The following WIPF3 variants were observed in gnomAD, a reference collection of about 807,000 sequenced individuals.
The protein encoded by WIPF3 is WAS/WASL interacting protein family member 3.
Under a neutral mutation model 38.9 loss-of-function variants are expected in WIPF3, and 33 were observed. The observed-to-expected ratio is 0.85, with a 90% CI of 0.64 to 1.14. The LOEUF is 1.14. Among genes scored for constraint, WIPF3 ranks in the 50% most tolerant of loss-of-function variants. The pLI is 0.00. For missense variants in WIPF3, 711 were observed against 652.5 expected (o/e 1.09, Z -0.98); for synonymous variants, 324 against 269.3 (o/e 1.20, Z -1.99).
In WIPF3 at chr7:29,915,077, A is replaced by ATTTT. The variant is rs149325811; in HGVS notation, c.*587_*590dup. 4 of 59,362 alleles carry ATTTT rather than the reference A, an allele frequency of 6.7e-5. No homozygotes were observed. The highest frequency in any genetic ancestry group is 1.4e-4 in the African/African-American group (2 of 14,064). 3.7% of individuals were successfully genotyped at this position (59,362 alleles called of 1,614,324 possible). ...TCGCTTCCATTTTGCAGTACAGGGA[A>ATTTT]TTTTTTTTTTTTTTTTTTTTTTTTT... On this transcript the variant is annotated 3_prime_UTR_variant, in exon 9 of 9. Coordinates refer to ENST00000242140, the MANE Select transcript of WIPF3 (RefSeq NM_001080529.3).
At position 29,878,048 on chromosome 7, in the gene WIPF3, G is replaced by A. The variant is rs112406460; in HGVS notation, c.224-961G>A. Among the ~76,000 whole-genome samples, 749 of 152,186 alleles carry A rather than the reference G, an allele frequency of 4.9e-3. 6 individuals carry two copies. Among genetic ancestry groups the A allele is most frequent in the Admixed American group, 7.9e-3 (121 of 15,286 alleles). On this transcript the variant is annotated intron_variant, in intron 3 of 8. Coordinates refer to ENST00000242140, the MANE Select transcript of WIPF3 (RefSeq NM_001080529.3). This position sits in a 1 kb window ranked among gnomAD's most constrained non-coding sequence, Gnocchi z 4.0. The stretch of plus-strand genomic sequence containing the variant: ...GTAATTATAAATGTCAACACACAAG[G>A]ATAGACAAATTTTTAAAGAAATATT...
In WIPF3 at chr7:29,914,992, T is replaced by C. The variant is rs776811753; in HGVS notation, c.*476T>C. The C allele has an allele frequency of 2.6e-5, 4 of 151,446 alleles. No homozygotes were observed. The highest frequency in any genetic ancestry group is 1.5e-5 in the Non-Finnish European group (1 of 68,122). 9.4% of individuals were successfully genotyped at this position (151,446 alleles called of 1,614,324 possible). ...TATCAATGATGCAGCTCAGAGGAAG[T>C]AGCGTGTCCCCCACACCCAGACAGT... On this transcript the variant is annotated 3_prime_UTR_variant, in exon 9 of 9. Coordinates refer to ENST00000242140, the MANE Select transcript of WIPF3 (RefSeq NM_001080529.3).
chr7:29,882,117 A>C (rs1466244999), intron 4 of WIPF3, among the ~76,000 whole-genome samples: 1 of 152,154 alleles, frequency 6.6e-6, no homozygotes, highest in Non-Finnish European at 1.5e-5. Flanking sequence ...CACATTTCTC[A>C]TTTGGTTGGT....
chr7:29,824,447 G>C (rs1784584433), intron 1 of WIPF3, among the ~76,000 whole-genome samples: 1 of 152,112 alleles, frequency 6.6e-6, no homozygotes, highest in Admixed American at 6.5e-5. Context: ...ATGCAGAGAA[G>C]CTGGCACCTG....
chr7:29,891,244 CCTGCCCTGTGCTCAGGTGGAGGGGGCGA>C (rs1786014805), intron 7 of WIPF3, among the ~76,000 whole-genome samples: 2 of 141,396 alleles, frequency 1.4e-5, no homozygotes, highest in African/African-American at 5.4e-5. Flanking sequence ...GGGGCGAGGG[CCTGCCCTGTGCTCAGGTGGAGGGGGCGA>C]GGGCCTGCCC....
intron 1 of WIPF3, among the ~76,000 whole-genome samples, chr7:29,824,987 A>G (rs1394490581): frequency 1.3e-5 from 2 of 152,196 alleles, no homozygotes; most frequent in East Asian, 1.9e-4. Context: ...CTTGTACCCA[A>G]TACTACCTCC....
intron 3 of WIPF3, among the ~76,000 whole-genome samples, chr7:29,877,969 G>A (rs1785638633): frequency 6.6e-6 from 1 of 152,154 alleles, no homozygotes; most frequent in African/African-American, 2.4e-5. Flanking sequence ...GCTATGATGT[G>A]CGTGATGGTA....
At chr7:29,812,331 G>A (rs906882100) in intron 1 of WIPF3, among the ~76,000 whole-genome samples, 2 of 152,118 alleles carry the variant, frequency 1.3e-5, no homozygotes, top group Non-Finnish European at 1.5e-5. Context: ...TTTGTCTTGT[G>A]GAATTAGACT....
intron 2 of WIPF3, among the ~76,000 whole-genome samples, chr7:29,870,171 G>C (rs902686548): frequency 6.6e-6 from 1 of 152,150 alleles, no homozygotes; most frequent in Non-Finnish European, 1.5e-5. Flanking sequence ...GTCTTGAGGT[G>C]AGCACCAGCA....
At chr7:29,902,050 C>A (rs1333206958) in intron 7 of WIPF3, among the ~76,000 whole-genome samples, 1 of 151,768 alleles carries the variant, frequency 6.6e-6, no homozygotes, top group Non-Finnish European at 1.5e-5. Context: ...TGCGTAGAGA[C>A]CGGGGATGCT....
intron 1 of WIPF3, among the ~76,000 whole-genome samples, chr7:29,827,954 C>T (rs975870718): frequency 6.6e-6 from 1 of 152,098 alleles, no homozygotes; most frequent in Non-Finnish European, 1.5e-5. Flanking sequence ...CACCACCACA[C>T]TTGGCTAATT....
At chr7:29,832,930 C>A (rs1784744537) in intron 1 of WIPF3, among the ~76,000 whole-genome samples, 1 of 152,202 alleles carries the variant, frequency 6.6e-6, no homozygotes, top group Admixed American at 6.5e-5. Flanking sequence ...GCAACCCAGG[C>A]ACTCATCAAT....
At chr7:29,866,477 G>T (rs1284279914) in intron 2 of WIPF3, among the ~76,000 whole-genome samples, 1 of 152,238 alleles carries the variant, frequency 6.6e-6, no homozygotes, top group Non-Finnish European at 1.5e-5. Flanking sequence ...CCTGACAAGG[G>T]AGTTTCAGGT....
Position 29,884,501 on chromosome 7 carries a change from C to T in WIPF3, c.1007C>T (p.Pro336Leu), listed in dbSNP as rs990949935. Residue 336 changes from proline to leucine, a missense_variant, in exon 5 of 9, where the codon CCA (proline) becomes CTA (leucine). Pro to Leu is a moderately conservative substitution (Grantham distance 98). Transcript: ENST00000242140. ...LPPKSPSFQA[P>L]PQKAGAQALP... ...CCTAAATCCCCCAGCTTCCAGGCCCCACCGCAGAAGGCCGGTGCGCAGGCC... is the reference window on the plus strand; with the variant it reads ...CCTAAATCCCCCAGCTTCCAGGCCCTACCGCAGAAGGCCGGTGCGCAGGCC... 2 of 1,578,534 alleles carry T rather than the reference C, an allele frequency of 1.3e-6. No homozygotes were observed. Among genetic ancestry groups the T allele is most frequent in the African/African-American group, 1.4e-5 (1 of 73,986 alleles).
intron 4 of WIPF3, among the ~76,000 whole-genome samples, chr7:29,882,202 C>T (rs1785734026): frequency 6.6e-6 from 1 of 152,188 alleles, no homozygotes; most frequent in Non-Finnish European, 1.5e-5. Flanking sequence ...GACATGGTGT[C>T]CTCAGTTACT....
At chr7:29,838,304 C>T (rs1196143237) in intron 2 of WIPF3, among the ~76,000 whole-genome samples, 1 of 151,996 alleles carries the variant, frequency 6.6e-6, no homozygotes, top group East Asian at 1.9e-4. Flanking sequence ...GTGAAATGCC[C>T]TAAGATACAA....
intron 7 of WIPF3, among the ~76,000 whole-genome samples, chr7:29,894,863 ATTTTC>A (rs1272739749): frequency 1.4e-5 from 2 of 146,388 alleles, no homozygotes; most frequent in Non-Finnish European, 3.0e-5. Context: ...GGTGTTTGCT[ATTTTC>A]TTCCATTGAG....
intron 2 of WIPF3, among the ~76,000 whole-genome samples, chr7:29,867,716 G>C (rs977432804): frequency 7.2e-5 from 11 of 151,886 alleles, no homozygotes; most frequent in Non-Finnish European, 1.6e-4. Flanking sequence ...GTGCGGAATT[G>C]AATTCACATC....
At position 29,835,022 on chromosome 7, in the gene WIPF3, C is replaced by T. The variant is rs376382477; in HGVS notation, c.90+208C>T. 2.6e-5 allele frequency among the ~76,000 whole-genome samples: 4 copies of T among 152,162 alleles called. No individual in the cohort carries two copies. The East Asian group carries it at 7.8e-4, about 30-fold the overall frequency. ...CTCCCCCATTCTTCGGCAGCTTCCA[C>T]CTCCACCTCATTGGTCTACTGATGT... is the stretch of plus-strand genomic sequence containing the variant. On this transcript the variant is annotated intron_variant, in intron 2 of 8. Transcript: ENST00000242140.
Sources: gnomAD v4.1 joint callset for allele counts (sites outside exome capture counted in the v4.1 genomes callset) on GRCh38, gnomAD v4.1.1 for gene constraint, Gnocchi (gnomAD v3.1) non-coding constraint, MANE v1.5 for transcripts, NCBI Gene and HGNC (gene_info 2026-07-23, HGNC 2026-07-21) for gene names.